The following AREL1 variants were observed in gnomAD, a reference collection of about 807,000 sequenced individuals.
The protein encoded by AREL1 is apoptosis resistant E3 ubiquitin protein ligase 1.
In AREL1, 62 loss-of-function variants were observed where a neutral mutation model predicts 99.0. That is an observed-to-expected ratio of 0.63 (90% confidence interval 0.51 to 0.77). AREL1 has a LOEUF of 0.77. AREL1 is among the 30% of genes least tolerant of loss of function. AREL1 has a pLI of 0.00. For synonymous variants in AREL1, 380 were observed against 376.5 expected (o/e 1.01, Z -0.11); for missense variants, 879 against 1,027.6 (o/e 0.86, Z 1.98).
rs2089384633 is a variant in AREL1, at chr14:74,672,944, C to T, written c.1309G>A (p.Glu437Lys). Residue 437 changes from glutamate (E) to lysine (K), a missense_variant, in exon 11 of 20, where the codon GAG becomes AAG. Coordinates refer to ENST00000356357, the MANE Select transcript of AREL1 (RefSeq NM_001039479.2). ...AAGTTCACCTTGTCCTGAAAGGTCT[C>T]AGAGCCTCCTGGGGAACAGCAAGAT... ...RSLHKNIGGS[E>K]TFQDKVNFFQ... 6.2e-7 allele frequency: 1 copy of T among 1,614,172 alleles called. No individual in the cohort carries two copies. The highest frequency in any genetic ancestry group is 8.5e-7 in the Non-Finnish European group (1 of 1,180,022).
Position 74,676,286 on chromosome 14 carries a change from T to C in AREL1, c.687A>G (p.Ser229=), listed in dbSNP as rs1410754048. The change falls in exon 7 of 20, where the codon TCA becomes TCG. Residue 229 remains serine (S), a synonymous_variant. Coordinates refer to ENST00000356357, the MANE Select transcript of AREL1 (RefSeq NM_001039479.2). ...TGTTGGATGTTACTGATTTCTCAAA[T>C]GAGACACCAGTACTCTCTTCTTCTT... ...GPQEEESTGV[S]FEKSVTSNRQ... 1.2e-6 allele frequency: 2 copies of C among 1,614,098 alleles called. No individual in the cohort carries two copies. Among genetic ancestry groups the C allele is most frequent in the South Asian group, 1.1e-5 (1 of 91,082 alleles).
intron 5 of AREL1, among the ~76,000 whole-genome samples, chr14:74,678,001 T>C (rs946343878): frequency 6.6e-6 from 1 of 152,100 alleles, no homozygotes; most frequent in African/African-American, 2.4e-5. Flanking sequence ...AGATCCAACA[T>C]AGTACAGATG....
intron 13 of AREL1, 108 bp from the exon 14 acceptor site, chr14:74,670,234 G>A: frequency 3.4e-6 from 4 of 1,176,520 alleles, no homozygotes; most frequent in Non-Finnish European, 4.7e-6. Flanking sequence ...ATGTCACTGT[G>A]AGGATCAGAG....
intron 1 of AREL1, chr14:74,712,071 AAAAAAAGAAAGAAAG>A: frequency 1.8e-5 from 2 of 109,374 alleles, no homozygotes; most frequent in African/African-American, 2.9e-5. Flanking sequence ...AAAAAAAGAA[AAAAAAAGAAAGAAAG>A]AAAGAAAGAA....
chr14:74,689,350 C>G (rs1038236651), intron 2 of AREL1, among the ~76,000 whole-genome samples: 1 of 151,992 alleles, frequency 6.6e-6, no homozygotes, highest in Admixed American at 6.6e-5. Flanking sequence ...CAAATTAGAT[C>G]CTTTACACTT....
chr14:74,687,741 T>C (rs1392574629), intron 2 of AREL1, among the ~76,000 whole-genome samples: 1 of 152,030 alleles, frequency 6.6e-6, no homozygotes, highest in Non-Finnish European at 1.5e-5. Flanking sequence ...ACACAGTGAG[T>C]TCTCAAAGTT....
At position 74,676,182 on chromosome 14, in the gene AREL1, T is replaced by C; in HGVS notation, c.791A>G (p.Gln264Arg). ...GTCAAATTCACCATTATTGATTGGC[T>C]GATTTTGGTATGAAATGCAAGCATG... Reference protein sequence around the residue: ...CFHACISYQNQPINNGEFDII... With the variant: ...CFHACISYQNRPINNGEFDII... The change falls in exon 7 of 20, where the codon CAG becomes CGG. Residue 264 changes from glutamine to arginine, a missense_variant. Physicochemically the swap from Gln to Arg is conservative, Grantham distance 43 (BLOSUM62 1). Transcript: ENST00000356357. 1.9e-6 allele frequency: 3 copies of C among 1,614,096 alleles called. No individual in the cohort carries two copies. The highest frequency in any genetic ancestry group is 2.5e-6 in the Non-Finnish European group (3 of 1,180,030).
At chr14:74,686,163 T>G (rs1389767792) in intron 2 of AREL1, among the ~76,000 whole-genome samples, 1 of 152,186 alleles carries the variant, frequency 6.6e-6, no homozygotes, top group Non-Finnish European at 1.5e-5. Context: ...TAAAATGAAC[T>G]CTGGGTCATC....
At chr14:74,673,418 A>ACTGC (rs1287667884) in intron 9 of AREL1, among the ~76,000 whole-genome samples, 200 bp from the exon 10 acceptor site, 1 of 152,208 alleles carries the variant, frequency 6.6e-6, no homozygotes, top group East Asian at 1.9e-4. Flanking sequence ...AGTCACAGAG[A>ACTGC]CTGCCTTTAG....
chr14:74,666,079 T>C (rs1305990730), intron 17 of AREL1, among the ~76,000 whole-genome samples: 1 of 152,252 alleles, frequency 6.6e-6, no homozygotes, highest in Non-Finnish European at 1.5e-5. Context: ...GAGTTCATTT[T>C]GTTTGGATTT....
rs1415497944 is a variant in AREL1, at chr14:74,669,738, T to C, written c.1825A>G (p.Lys609Glu). The C allele has an allele frequency of 1.2e-6, 2 of 1,614,148 alleles. No individual in the cohort carries two copies. Among genetic ancestry groups the C allele is most frequent in the Non-Finnish European group, 1.7e-6 (2 of 1,180,000 alleles). ...TCATTGTTGAGGATAAAACAAACTT[T>C]AGATTTGTAGAATTCTGGGTCATCT... ...ETDDPEFYKSKVCFILNNDMS... is the reference protein window; with the variant it reads ...ETDDPEFYKSEVCFILNNDMS... Residue 609 changes from lysine to glutamate, a missense_variant, in exon 15 of 20, where the codon AAA (lysine) becomes GAA (glutamate). Coordinates refer to ENST00000356357, the MANE Select transcript of AREL1 (RefSeq NM_001039479.2).
intron 1 of AREL1, among the ~76,000 whole-genome samples, chr14:74,692,791 C>T (rs1407320206): frequency 6.6e-6 from 1 of 152,142 alleles, no homozygotes; most frequent in African/African-American, 2.4e-5. Context: ...GCAGCCTTGA[C>T]CTCCTGGGCT....
chr14:74,683,374 C>T lies in AREL1; in HGVS notation c.403G>A (p.Ala135Thr), dbSNP rs775818013. 1 of 1,614,142 alleles carries T rather than the reference C, an allele frequency of 6.2e-7. No homozygotes were observed. The highest frequency in any genetic ancestry group is 8.5e-7 in the Non-Finnish European group (1 of 1,180,018). ...TTCACTGTGATTTCATAACGCCCAG[C>T]CTTGCGCACAGTGAAGGCCACTTTT... ...VVKVAFTVRK[A>T]GRYEITVKLG... Residue 135 changes from alanine to threonine, a missense_variant, in exon 5 of 20, where the codon GCT (alanine) becomes ACT (threonine). Coordinates refer to ENST00000356357, the MANE Select transcript of AREL1 (RefSeq NM_001039479.2).
intron 2 of AREL1, among the ~76,000 whole-genome samples, chr14:74,689,731 G>C (rs2089833030): frequency 6.6e-6 from 1 of 150,934 alleles, no homozygotes; most frequent in Non-Finnish European, 1.5e-5. Flanking sequence ...CGAGTAGCTG[G>C]GATTACAGGC....
At chr14:74,684,716 G>A (rs747828437) in intron 3 of AREL1, 36 bp from the exon 4 acceptor site, 1 of 1,583,204 alleles carries the variant, frequency 6.3e-7, no homozygotes, top group Middle Eastern at 1.7e-4. Context: ...CCGCCTGCCA[G>A]TTACACATTA....
chr14:74,671,269 A>G (rs541050344), intron 12 of AREL1, 139 bp downstream of exon 12: 6 of 505,772 alleles, frequency 1.2e-5, no homozygotes, highest in African/African-American at 4.5e-5. Flanking sequence ...TTCCTTGGGG[A>G]AAAAAAAACC....
chr14:74,685,718 G>C (rs2089733941), intron 2 of AREL1, 58 bp from the exon 3 acceptor site: 1 of 1,485,266 alleles, frequency 6.7e-7, no homozygotes, highest in Non-Finnish European at 9.3e-7. Flanking sequence ...AGCTATCTCA[G>C]AGTAAGACAA....
At chr14:74,700,814 A>C (rs970345917) in intron 1 of AREL1, among the ~76,000 whole-genome samples, 2 of 152,210 alleles carry the variant, frequency 1.3e-5, no homozygotes, top group Non-Finnish European at 2.9e-5. Flanking sequence ...AGGAATGTTA[A>C]AGGAATATGA....
Position 74,676,627 on chromosome 14 carries a change from T to C in AREL1, c.607A>G (p.Met203Val), listed in dbSNP as rs1352383153. The C allele has an allele frequency of 3.1e-6, 5 of 1,613,878 alleles. No individual in the cohort carries two copies. In the Admixed American group the frequency reaches 6.7e-5, roughly 22 times the overall value. ...TAATTGTGCTCATCTCTCAAGGACA[T>C]GGAATTGTTGGTGGGATTATCATAC... ...DEYDNPTNNSMSLRDEHNYTL... is the reference protein window; with the variant it reads ...DEYDNPTNNSVSLRDEHNYTL... Residue 203 changes from methionine to valine, a missense_variant, in exon 6 of 20, where the codon ATG (methionine) becomes GTG (valine). Coordinates refer to ENST00000356357, the MANE Select transcript of AREL1 (RefSeq NM_001039479.2).
Sources: gnomAD v4.1 joint callset for allele counts (sites outside exome capture counted in the v4.1 genomes callset) on GRCh38, gnomAD v4.1.1 for gene constraint, MANE v1.5 for transcripts, NCBI Gene and HGNC (gene_info 2026-07-23, HGNC 2026-07-21) for gene names.